ZNRF2: variants seen among roughly 807,000 people sequenced by gnomAD.
ZNRF2 encodes E3 ubiquitin-protein ligase ZNRF2.
In ZNRF2, 16 loss-of-function variants were observed where a neutral mutation model predicts 20.4. The ratio of observed to expected loss-of-function variants is 0.79; its 90% CI spans 0.53 to 1.19. The LOEUF (loss-of-function observed/expected upper bound fraction) is 1.19, where lower values mean the gene tolerates loss of function less well. Among genes scored for constraint, ZNRF2 ranks in the 50% most tolerant of loss-of-function variants. The pLI is 0.00. For synonymous variants in ZNRF2, 178 were observed against 144.9 expected (o/e 1.23, Z -1.64); for missense variants, 363 against 332.4 (o/e 1.09, Z -0.72).
At chr7:30,346,692 C>G (rs1413174830) in intron 2 of ZNRF2, among the ~76,000 whole-genome samples, 1 of 152,026 alleles carries the variant, frequency 6.6e-6, no homozygotes. Flanking sequence ...TTTTTTCACT[C>G]TATTCCTATC....
rs149100015 is a variant in ZNRF2 at position 30,353,118 on chromosome 7, T to A, written c.566-2610T>A. Among the ~76,000 whole-genome samples, 447 of 152,216 alleles carry A rather than the reference T, an allele frequency of 2.9e-3. 5 individuals are homozygous for A. The highest frequency in any genetic ancestry group is 0.01 in the African/African-American group (428 of 41,566). On this transcript the variant is annotated intron_variant, in intron 2 of 4. Transcript: ENST00000323037. ...AGACACATTCTAGTGGAAACAAGAC[T>A]TTAAAATGTGAAAATTAAGCATTTG... is the stretch of plus-strand genomic sequence containing the variant.
At chr7:30,329,973 T>C (rs1179963198) in intron 2 of ZNRF2, among the ~76,000 whole-genome samples, 2 of 152,224 alleles carry the variant, frequency 1.3e-5, no homozygotes, top group Non-Finnish European at 2.9e-5. Context: ...CATCTGTTAT[T>C]GCCTGTCTTT....
intron 2 of ZNRF2, among the ~76,000 whole-genome samples, chr7:30,346,610 T>C (rs1799883856): frequency 6.6e-6 from 1 of 151,964 alleles, no homozygotes; most frequent in African/African-American, 2.4e-5. Context: ...TAATTTCTAT[T>C]TTTGAAAGCC....
At chr7:30,324,499 A>G (rs983035995) in intron 2 of ZNRF2, among the ~76,000 whole-genome samples, 2 of 151,476 alleles carry the variant, frequency 1.3e-5, no homozygotes, top group Non-Finnish European at 2.9e-5. Context: ...TAGTGAGCCG[A>G]GATTGTGCCA....
chr7:30,347,678 A>C (rs1379738593), intron 2 of ZNRF2, among the ~76,000 whole-genome samples: 1 of 152,084 alleles, frequency 6.6e-6, no homozygotes, highest in Admixed American at 6.5e-5. Flanking sequence ...GTACCACTGC[A>C]CTCCAGCCCA....
At chr7:30,288,370 C>T (rs964458539) in intron 1 of ZNRF2, among the ~76,000 whole-genome samples, 5 of 152,176 alleles carry the variant, frequency 3.3e-5, no homozygotes, top group South Asian at 4.2e-4. Context: ...ATTAACGTCT[C>T]CTAATAAGAA....
chr7:30,324,408 G>A (rs998735389), intron 2 of ZNRF2, among the ~76,000 whole-genome samples: 1 of 151,704 alleles, frequency 6.6e-6, no homozygotes, highest in African/African-American at 2.4e-5. Context: ...AATTAGCTGG[G>A]TGTGGTGGTG....
At chr7:30,299,555 A>C (rs1189476366) in intron 1 of ZNRF2, among the ~76,000 whole-genome samples, 1 of 152,110 alleles carries the variant, frequency 6.6e-6, no homozygotes, top group Non-Finnish European at 1.5e-5. Context: ...AATCAACCCC[A>C]AAAAATCAGG....
intron 1 of ZNRF2, among the ~76,000 whole-genome samples, chr7:30,303,861 A>C (rs928447565): frequency 1.3e-5 from 2 of 152,192 alleles, no homozygotes; most frequent in African/African-American, 2.4e-5. Context: ...TGCCTGCCAA[A>C]GTGTGGGAAT....
At chr7:30,336,125 G>T (rs1799713185) in intron 2 of ZNRF2, among the ~76,000 whole-genome samples, 1 of 152,170 alleles carries the variant, frequency 6.6e-6, no homozygotes, top group African/African-American at 2.4e-5. Context: ...TACAAAGGAT[G>T]CTTGAATATT....
At chr7:30,350,803 C>G (rs1026389959) in intron 2 of ZNRF2, among the ~76,000 whole-genome samples, 2 of 151,934 alleles carry the variant, frequency 1.3e-5, no homozygotes, top group Admixed American at 1.3e-4. Flanking sequence ...CTACTGCTAT[C>G]ATTGAGGGTT....
chr7:30,303,094 A>G (rs530762615), intron 1 of ZNRF2, among the ~76,000 whole-genome samples: 3 of 152,072 alleles, frequency 2.0e-5, no homozygotes, highest in African/African-American at 7.2e-5. Flanking sequence ...CAGCCTGGGC[A>G]ACATGGAAAA....
chr7:30,328,524 T>G (rs966451403), intron 2 of ZNRF2, among the ~76,000 whole-genome samples: 1 of 152,188 alleles, frequency 6.6e-6, no homozygotes, highest in African/African-American at 2.4e-5. Context: ...AACACAAGAA[T>G]AGTGGGGCTT....
intron 2 of ZNRF2, among the ~76,000 whole-genome samples, chr7:30,338,455 G>A (rs1428684723): frequency 9.6e-6 from 1 of 104,672 alleles, no homozygotes; most frequent in Non-Finnish European, 1.8e-5. Flanking sequence ...GCCCCAGTGT[G>A]TGATATTCCC....
chr7:30,299,806 G>T (rs1799080461), intron 1 of ZNRF2, among the ~76,000 whole-genome samples: 1 of 138,134 alleles, frequency 7.2e-6, no homozygotes, highest in Admixed American at 7.4e-5. Context: ...GGGAGACAGA[G>T]TCTCGCCCTG....
chr7:30,311,349 G>GCTTAAGT (rs1447996319), intron 1 of ZNRF2, among the ~76,000 whole-genome samples: 3 of 152,138 alleles, frequency 2.0e-5, no homozygotes, highest in Non-Finnish European at 4.4e-5. Context: ...AGTCATAAAT[G>GCTTAAGT]CTTAAGTCTG....
chr7:30,363,820 G>A (rs1800166980), intron 4 of ZNRF2, among the ~76,000 whole-genome samples: 1 of 151,674 alleles, frequency 6.6e-6, no homozygotes, highest in African/African-American at 2.4e-5. Flanking sequence ...AAAAAATAAA[G>A]GTTAACTTAA....
intron 2 of ZNRF2, among the ~76,000 whole-genome samples, chr7:30,348,031 A>G (rs767543374): frequency 6.6e-5 from 10 of 152,186 alleles, no homozygotes; most frequent in Admixed American, 1.3e-4. Context: ...CTGTTCATAC[A>G]TACTTTTAAT....
At chr7:30,312,249 G>A (rs534100505) in intron 1 of ZNRF2, among the ~76,000 whole-genome samples, 24 of 152,180 alleles carry the variant, frequency 1.6e-4, no homozygotes, top group African/African-American at 5.8e-4. Context: ...TCAGAGTGTT[G>A]GGATTACAGA....
Sources: gnomAD v4.1 joint callset for allele counts (sites outside exome capture counted in the v4.1 genomes callset) on GRCh38, gnomAD v4.1.1 for gene constraint, MANE v1.5 for transcripts, NCBI Gene and HGNC (gene_info 2026-07-23, HGNC 2026-07-21) for gene names.